The following UBE2K variants were observed in gnomAD, a reference collection of about 807,000 sequenced individuals.
UBE2K encodes ubiquitin conjugating enzyme E2 K.
UBE2K carries 6 observed loss-of-function variants against 30.0 expected under a neutral mutation model. That is an observed-to-expected ratio of 0.20 (90% CI 0.11 to 0.39). The LOEUF is 0.39. Ranked by LOEUF, UBE2K falls within the 10% of genes least tolerant of loss-of-function variation. The pLI is 1.00. For missense variants in UBE2K, 61 were observed against 241.6 expected, an observed-to-expected ratio of 0.25 and a Z score of 4.96; for synonymous variants, 86 against 83.7, an observed-to-expected ratio of 1.03 and a Z score of -0.15.
chr4:39,757,634 CTG>C (rs941889454), intron 4 of UBE2K, among the ~76,000 whole-genome samples: 72 of 152,214 alleles, frequency 4.7e-4, no homozygotes, highest in African/African-American at 1.7e-3. Flanking sequence ...TTTATCTTCT[CTG>C]TTACTCTTTT....
chr4:39,774,977 G>A (rs755380353), intron 5 of UBE2K, 44 bp downstream of exon 5: 1 of 1,359,290 alleles, frequency 7.4e-7, no homozygotes, highest in Non-Finnish European at 1.0e-6. Context: ...TTATGTATGA[G>A]TCTCTAGCCA....
chr4:39,763,315 G>C (rs537495511), intron 4 of UBE2K, among the ~76,000 whole-genome samples: 1 of 145,036 alleles, frequency 6.9e-6, no homozygotes, highest in African/African-American at 2.6e-5. Context: ...GCAATGTCAC[G>C]ATGTTGGCTC....
intron 1 of UBE2K, among the ~76,000 whole-genome samples, chr4:39,702,028 T>A (rs1032973338): frequency 7.2e-5 from 11 of 152,024 alleles, no homozygotes; most frequent in African/African-American, 2.7e-4. Flanking sequence ...CCCAAAGTGC[T>A]GGGGTTACAG....
chr4:39,729,287 C>G (rs1719942304), intron 1 of UBE2K, among the ~76,000 whole-genome samples: 1 of 152,142 alleles, frequency 6.6e-6, no homozygotes, highest in Non-Finnish European at 1.5e-5. Context: ...ATCTTTCTGA[C>G]TGTATCTTCA....
chr4:39,751,701 A>G (rs954390607), intron 3 of UBE2K, among the ~76,000 whole-genome samples: 3 of 151,800 alleles, frequency 2.0e-5, no homozygotes, highest in Admixed American at 2.0e-4. Flanking sequence ...GGCCACGCGC[A>G]GTGGCTCATG....
chr4:39,743,806 G>A (rs1007298876), intron 2 of UBE2K, among the ~76,000 whole-genome samples: 2 of 152,118 alleles, frequency 1.3e-5, no homozygotes, highest in Non-Finnish European at 2.9e-5. Flanking sequence ...GTTAAGAGTT[G>A]AATCCAGCCT....
rs544817329 is a variant in UBE2K at position 39,726,422 on chromosome 4, T to C, written c.64-10998T>C. ...TTTTGTAGAGACGGAGATCTCACTT[T>C]GCTGCCCAGGCTGGTCTTGAACTCC... is the stretch of plus-strand genomic sequence containing the variant. On this transcript the variant is annotated intron_variant, in intron 1 of 6. Transcript: ENST00000261427. Among the ~76,000 whole-genome samples the C allele has an allele frequency of 2.5e-3, 381 of 152,310 alleles. 2 individuals are homozygous for C. Among genetic ancestry groups the C allele is most frequent in the African/African-American group, 8.7e-3 (363 of 41,566 alleles).
intron 1 of UBE2K, among the ~76,000 whole-genome samples, chr4:39,699,934 G>A (rs1336795131): frequency 6.6e-6 from 1 of 152,094 alleles, no homozygotes; most frequent in Non-Finnish European, 1.5e-5. Flanking sequence ...ATAAGTGTCT[G>A]TACTGATACA....
In UBE2K at chr4:39,779,042, A is replaced by ACCCCCCCCCCCCCCCCCC. The variant is rs3839130; in HGVS notation, c.*616_*617insCCCCCCCCCCCCCCCCCC. On this transcript the variant is annotated 3_prime_UTR_variant, in exon 7 of 7. Coordinates refer to ENST00000261427, the MANE Select transcript of UBE2K (RefSeq NM_005339.5). ...TGGGACAGTGTCTGATTCCCCCTTCACCCCCCCCACCCCCGCCTTGCCACA... is the reference window on the plus strand; with the variant it reads ...TGGGACAGTGTCTGATTCCCCCTTCACCCCCCCCCCCCCCCCCCCCCCCCCCACCCCCGCCTTGCCACA... 7.0e-5 allele frequency: 9 copies of ACCCCCCCCCCCCCCCCCC among 128,222 alleles called. No individual in the cohort carries two copies. The highest frequency in any genetic ancestry group is 2.5e-4 in the South Asian group (1 of 4,008). 7.9% of individuals were successfully genotyped at this position (128,222 alleles called of 1,614,324 possible). A position where few individuals can be genotyped will look rare whatever the true frequency, so the allele number is the denominator to read the frequency against.
chr4:39,758,746 CAG>C (rs1198990564), intron 4 of UBE2K, among the ~76,000 whole-genome samples: 4 of 151,360 alleles, frequency 2.6e-5, no homozygotes, highest in Non-Finnish European at 5.9e-5. Context: ...TCTTTTTGCC[CAG>C]AGTTAAGCCA....
At chr4:39,717,314 AC>A (rs1396158483) in intron 1 of UBE2K, among the ~76,000 whole-genome samples, 1 of 149,856 alleles carries the variant, frequency 6.7e-6, no homozygotes, top group Non-Finnish European at 1.5e-5. Context: ...GCTCATTGCA[AC>A]CTCCATCTCC....
chr4:39,741,325 A>G (rs1379771875), intron 2 of UBE2K, among the ~76,000 whole-genome samples: 1 of 152,178 alleles, frequency 6.6e-6, no homozygotes, highest in Non-Finnish European at 1.5e-5. Context: ...ATATTTTGAT[A>G]AGATTAGATT....
intron 1 of UBE2K, among the ~76,000 whole-genome samples, chr4:39,725,297 C>G (rs1186478013): frequency 7.0e-6 from 1 of 143,284 alleles, no homozygotes; most frequent in Non-Finnish European, 1.5e-5. Context: ...GTAGGATCAT[C>G]TGAACCCGGG....
rs1342556875 is a variant in UBE2K at position 39,752,461 on chromosome 4, C to T, written c.217-3196C>T. On this transcript the variant is annotated intron_variant, in intron 3 of 6. Transcript: ENST00000261427. The stretch of plus-strand genomic sequence containing the variant: ...ACGCCATTCTCCTGCCTCAGCCTCC[C>T]GAGTAGCTGGGACTACAGGCGCCCG... Among the ~76,000 whole-genome samples the T allele has an allele frequency of 9.3e-5, 14 of 150,584 alleles. No homozygotes were observed. In the East Asian group the frequency reaches 2.6e-3, roughly 27 times the overall value.
chr4:39,770,605 A>G, intron 4 of UBE2K: 1 of 1,590,470 alleles, frequency 6.3e-7, no homozygotes, highest in Non-Finnish European at 8.5e-7. Flanking sequence ...CCCGGAGTCA[A>G]CAGCAGGCTC....
intron 1 of UBE2K, among the ~76,000 whole-genome samples, chr4:39,712,760 T>C (rs1044801461): frequency 1.3e-5 from 2 of 152,114 alleles, no homozygotes; most frequent in Middle Eastern, 3.4e-3. Context: ...ATGATGGATG[T>C]GAAATGGTGG....
intron 1 of UBE2K, among the ~76,000 whole-genome samples, chr4:39,699,792 A>G (rs930479275): frequency 6.6e-6 from 1 of 152,202 alleles, no homozygotes; most frequent in Non-Finnish European, 1.5e-5. Context: ...AGACTTATTG[A>G]AAGTAGTATA....
chr4:39,778,573 G>T lies in UBE2K; in HGVS notation c.*139G>T. On this transcript the variant is annotated 3_prime_UTR_variant, in exon 7 of 7. Transcript: ENST00000261427. ...TGTTATCTAGGCACCATTGGAGACT[G>T]AAAAAAAAAAATCCCTGCTCTGTAA... 5.3e-6 allele frequency: 2 copies of T among 375,864 alleles called. No individual in the cohort carries two copies. Among genetic ancestry groups the T allele is most frequent in the African/African-American group, 2.2e-5 (1 of 46,152 alleles). 23.3% of individuals were successfully genotyped at this position (375,864 alleles called of 1,614,324 possible).
intron 5 of UBE2K, among the ~76,000 whole-genome samples, chr4:39,776,048 C>T (rs1713266716): frequency 6.6e-6 from 1 of 152,136 alleles, no homozygotes; most frequent in Admixed American, 6.6e-5. Flanking sequence ...TAGGCTTGCC[C>T]TCTCTCCTAA....
Sources: gnomAD v4.1 joint callset for allele counts (sites outside exome capture counted in the v4.1 genomes callset) on GRCh38, gnomAD v4.1.1 for gene constraint, MANE v1.5 for transcripts, NCBI Gene and HGNC (gene_info 2026-07-23, HGNC 2026-07-21) for gene names.